Variants in USP10 observed in about 807,000 individuals in gnomAD.
The protein encoded by USP10 is ubiquitin specific peptidase 10.
In USP10, 22 loss-of-function variants were observed where a neutral mutation model predicts 84.5. The ratio of observed to expected loss-of-function variants is 0.26; its 90% CI spans 0.19 to 0.37. The LOEUF (loss-of-function observed/expected upper bound fraction) is 0.37, where lower values mean the gene tolerates loss of function less well. USP10 is among the 10% of genes least tolerant of loss of function. USP10 has a pLI of 1.00. For missense variants in USP10, 1,019 were observed against 998.9 expected (o/e 1.02, Z -0.27); for synonymous variants, 454 against 387.6 (o/e 1.17, Z -2.01).
intron 1 of USP10, among the ~76,000 whole-genome samples, chr16:84,717,204 G>C (rs1907145171): frequency 6.6e-6 from 1 of 152,124 alleles, no homozygotes; most frequent in Non-Finnish European, 1.5e-5. Flanking sequence ...CAGAGGGTCT[G>C]TGAAGTTCTG....
chr16:84,740,995 C>G (rs372066961), intron 3 of USP10, among the ~76,000 whole-genome samples: 1 of 152,174 alleles, frequency 6.6e-6, no homozygotes, highest in African/African-American at 2.4e-5. Flanking sequence ...TGCAGGCTGC[C>G]CTTGCACAAT....
intron 1 of USP10, 24 bp downstream of exon 1, chr16:84,700,135 GC>G: frequency 7.6e-7 from 1 of 1,323,110 alleles, no homozygotes; most frequent in Non-Finnish European, 9.9e-7. Context: ...TGCGCCTTCG[GC>G]CGGAAGGGGC....
intron 1 of USP10, among the ~76,000 whole-genome samples, chr16:84,705,137 A>G (rs531862395): frequency 6.6e-6 from 1 of 151,892 alleles, no homozygotes; most frequent in Non-Finnish European, 1.5e-5. Flanking sequence ...TTAAGCCTGT[A>G]CTCTATGGCT....
intron 1 of USP10, among the ~76,000 whole-genome samples, chr16:84,729,858 G>C (rs1908984483): frequency 6.6e-6 from 1 of 152,202 alleles, no homozygotes. Context: ...TGATAGTTCA[G>C]TGTTGCATAG....
rs753938051 is a variant in USP10, at chr16:84,745,484, C to T, written c.1003C>T (p.Pro335Ser). The T allele has an allele frequency of 1.9e-6, 3 of 1,613,602 alleles. No homozygotes were observed. In the South Asian group the frequency reaches 3.3e-5, roughly 18 times the overall value. ...DGTGSASGTL[P>S]VSQPKSWASL... ...CACGGGCTCTGCATCAGGCACCCTT[C>T]CTGTCAGCCAGCCCAAGTCCTGGGC... Residue 335 changes from proline (P) to serine (S), a missense_variant, in exon 4 of 14, where the codon CCT becomes TCT. Pro to Ser is a moderately conservative substitution (Grantham distance 74, BLOSUM62 -1). This residue lies in a region of USP10 where 787 missense variants were observed against 708.8 expected (regional missense o/e 1.11). Transcript: ENST00000219473.
At chr16:84,728,829 T>G (rs945474140) in intron 1 of USP10, among the ~76,000 whole-genome samples, 13 of 152,094 alleles carry the variant, frequency 8.5e-5, no homozygotes, top group Non-Finnish European at 5.9e-5. Flanking sequence ...GACGGAGTCT[T>G]CCTCTGTCAT....
intron 2 of USP10, among the ~76,000 whole-genome samples, chr16:84,739,720 A>T (rs1402584856): frequency 6.6e-6 from 1 of 152,226 alleles, no homozygotes; most frequent in Non-Finnish European, 1.5e-5. Context: ...GACAGTTCCC[A>T]TTCTGCTTTC....
At chr16:84,713,059 C>G (rs913310429) in intron 1 of USP10, among the ~76,000 whole-genome samples, 4 of 152,342 alleles carry the variant, frequency 2.6e-5, no homozygotes, top group African/African-American at 9.6e-5. Context: ...AGCAGCCAGC[C>G]TTTCCAGTAC....
At position 84,761,348 on chromosome 16, in the gene USP10, G is replaced by C. The variant is rs578133643; in HGVS notation, c.1554+1073G>C. Among the ~76,000 whole-genome samples the C allele has an allele frequency of 2.3e-4, 35 of 152,300 alleles. No homozygotes were observed. In the South Asian group the frequency reaches 5.2e-3, roughly 23 times the overall value. On this transcript the variant is annotated intron_variant, in intron 8 of 13. Transcript: ENST00000219473. Reference sequence around the variant, plus strand: ...ATCTTCTAAAGGTTACATTAATAGGGGATGTGTTGGGCTCCCCAAGACCAC... The same window carrying C: ...ATCTTCTAAAGGTTACATTAATAGGCGATGTGTTGGGCTCCCCAAGACCAC...
At position 84,739,739 on chromosome 16, in the gene USP10, A is replaced by C. The variant is rs1168796184; in HGVS notation, c.91-570A>C. Among the ~76,000 whole-genome samples, 18 of 152,258 alleles carry C rather than the reference A, an allele frequency of 1.2e-4. 1 individual carries two copies. The highest frequency in any genetic ancestry group is 1.2e-3 in the Admixed American group (18 of 15,292). ...GTTCCCATTCTGCTTTCTGTCTGCC[A>C]AACAAGGAATGTGACTTCTAGCTGT... On this transcript the variant is annotated intron_variant, in intron 2 of 13. Coordinates refer to ENST00000219473, the MANE Select transcript of USP10 (RefSeq NM_005153.3).
rs182700876 is a variant in USP10, at chr16:84,755,098, T to G, written c.1193-3618T>G. Among the ~76,000 whole-genome samples, 623 of 151,774 alleles carry G rather than the reference T, an allele frequency of 4.1e-3. 2 individuals carry two copies. Among genetic ancestry groups the G allele is most frequent in the Non-Finnish European group, 6.3e-3 (425 of 67,954 alleles). The stretch of plus-strand genomic sequence containing the variant: ...GTGGAGTTAGCCTCGTCATAAAGCG[T>G]GTTTTTGAGTCTGTTCGAACGGGTC... On this transcript the variant is annotated intron_variant, in intron 4 of 13. Coordinates refer to ENST00000219473, the MANE Select transcript of USP10 (RefSeq NM_005153.3).
At chr16:84,705,493 AG>A (rs879645042) in intron 1 of USP10, among the ~76,000 whole-genome samples, 4 of 151,058 alleles carry the variant, frequency 2.6e-5, no homozygotes, top group Non-Finnish European at 4.4e-5. Context: ...GGCCTCCCAA[AG>A]TGCTGGGATT....
At chr16:84,756,627 G>T (rs1597375075) in intron 4 of USP10, among the ~76,000 whole-genome samples, 1 of 152,142 alleles carries the variant, frequency 6.6e-6, no homozygotes, top group Admixed American at 6.5e-5. Context: ...AAAGATAGCA[G>T]GCTTTGAGTC....
chr16:84,761,554 C>G (rs944439504), intron 8 of USP10, among the ~76,000 whole-genome samples: 17 of 152,236 alleles, frequency 1.1e-4, no homozygotes, highest in African/African-American at 4.1e-4. Flanking sequence ...CTACGCGTAA[C>G]TACTCCAGCA....
chr16:84,735,465 C>T (rs1007411609), intron 2 of USP10, among the ~76,000 whole-genome samples: 3 of 152,248 alleles, frequency 2.0e-5, no homozygotes, highest in African/African-American at 7.2e-5. Flanking sequence ...CTGCCACTTC[C>T]ACAGGCTCGG....
chr16:84,761,612 A>G (rs1268125852), intron 8 of USP10, among the ~76,000 whole-genome samples: 4 of 152,254 alleles, frequency 2.6e-5, no homozygotes, highest in Non-Finnish European at 4.4e-5. Flanking sequence ...GAAGGTCATT[A>G]CAGACTCCGT....
chr16:84,711,687 T>C (rs888662236), intron 1 of USP10, among the ~76,000 whole-genome samples: 1 of 151,420 alleles, frequency 6.6e-6, no homozygotes, highest in African/African-American at 2.4e-5. Context: ...CTTCCACCTA[T>C]AACTAGAGTT....
At chr16:84,725,700 G>A (rs1381010073) in intron 1 of USP10, among the ~76,000 whole-genome samples, 3 of 152,118 alleles carry the variant, frequency 2.0e-5, no homozygotes, top group South Asian at 2.1e-4. Context: ...CACCGTGCCC[G>A]GCCTGTCTGA....
intron 4 of USP10, 113 bp downstream of exon 4, chr16:84,745,786 C>A: frequency 8.9e-7 from 1 of 1,125,870 alleles, no homozygotes; most frequent in Non-Finnish European, 1.2e-6. Context: ...GTGTTAATAG[C>A]AACGTCTGAA....
Sources: gnomAD v4.1 joint callset for allele counts (sites outside exome capture counted in the v4.1 genomes callset) on GRCh38, gnomAD v4.1.1 for gene constraint, gnomAD v4.1.1 regional missense constraint, MANE v1.5 for transcripts, NCBI Gene and HGNC (gene_info 2026-07-23, HGNC 2026-07-21) for gene names.